GRM4: variants seen among roughly 807,000 people sequenced by gnomAD.
GRM4 encodes the protein glutamate metabotropic receptor 4, also known as metabotropic glutamate receptor 4.
A neutral mutation model predicts 81.7 loss-of-function variants in GRM4; 28 were observed. The ratio of observed to expected loss-of-function variants is 0.34; its 90% CI spans 0.25 to 0.47. GRM4 has a LOEUF of 0.47. Among genes scored for constraint, GRM4 ranks in the 20% least tolerant of loss-of-function variants. The pLI is 1.00. For synonymous variants in GRM4, 488 were observed against 528.8 expected, an observed-to-expected ratio of 0.92 and a Z score of 1.06; for missense variants, 948 against 1,290.0, an observed-to-expected ratio of 0.73 and a Z score of 4.06.
chr6:34,128,463 T>A (rs1015526997), intron 2 of GRM4, among the ~76,000 whole-genome samples: 2 of 151,156 alleles, frequency 1.3e-5, no homozygotes, highest in African/African-American at 4.9e-5. Flanking sequence ...CTACAACCTC[T>A]GCCTCCCGGG....
intron 3 of GRM4, among the ~76,000 whole-genome samples, chr6:34,071,589 C>A (rs1766861275): frequency 2.4e-5 from 3 of 125,296 alleles, no homozygotes; most frequent in Admixed American, 1.6e-4. Flanking sequence ...CACACATCAC[C>A]ACACAGATAC....
intron 1 of GRM4, among the ~76,000 whole-genome samples, chr6:34,142,182 C>G (rs1412440929): frequency 6.6e-6 from 1 of 152,194 alleles, no homozygotes; most frequent in Non-Finnish European, 1.5e-5. Context: ...CCCCTTAGGC[C>G]CGCCAAGACA....
In GRM4 at chr6:34,018,966, C is replaced by G. The variant is rs1763777317; in HGVS notation, c.*3855G>C. The G allele has an allele frequency of 6.6e-6, 1 of 152,456 alleles. No individual in the cohort carries two copies. The highest frequency in any genetic ancestry group is 6.5e-5 in the Admixed American group (1 of 15,282). The allele number at this position is 152,456 out of a possible 1,614,324, so 9.4% of individuals were successfully genotyped here. A position where few individuals can be genotyped will look rare whatever the true frequency, so the allele number is the denominator to read the frequency against. ...CCCTGTTCAGTGGGCAGATGGAAACCTGGGATGGGAAGGGGGAGCCGTGGA... is the reference window on the plus strand; with the variant it reads ...CCCTGTTCAGTGGGCAGATGGAAACGTGGGATGGGAAGGGGGAGCCGTGGA... On this transcript the variant is annotated 3_prime_UTR_variant, in exon 11 of 11. Transcript: ENST00000538487.
In GRM4 at chr6:34,098,663, G is replaced by A. The variant is rs115167827; in HGVS notation, c.520-6564C>T. 5.6e-3 allele frequency among the ~76,000 whole-genome samples: 850 copies of A among 152,364 alleles called. 9 individuals carry two copies. The highest frequency in any genetic ancestry group is 0.014 in the Middle Eastern group (4 of 294). ...TGGCTGCTTCAGGCCCTCCACTGCC[G>A]GCTCTCAGCATCAGCTGTTTGCTTC... On this transcript the variant is annotated intron_variant, in intron 2 of 10. Transcript: ENST00000538487.
rs1445906537 is a variant in GRM4 at position 34,022,846 on chromosome 6, A to T, written c.2714T>A (p.Val905Asp). Reference sequence around the variant, plus strand: ...CTAGATTGCATGGTTGGTGTAAGTGACGTAAGTCTGTTTGGTGGCCAGCGC... The same window carrying T: ...CTAGATTGCATGGTTGGTGTAAGTGTCGTAAGTCTGTTTGGTGGCCAGCGC... ...APALATKQTY[V>D]TYTNHAI The change falls in exon 11 of 11, where the codon GTC (valine) becomes GAC (aspartate). Residue 905 changes from valine (V) to aspartate (D), a missense_variant. Coordinates refer to ENST00000538487, the MANE Select transcript of GRM4 (RefSeq NM_000841.4). This position sits in a 1 kb window ranked among gnomAD's most constrained non-coding sequence, Gnocchi z 5.6. 1 of 1,614,002 alleles carries T rather than the reference A, an allele frequency of 6.2e-7. No individual in the cohort carries two copies. The highest frequency in any genetic ancestry group is 8.5e-7 in the Non-Finnish European group (1 of 1,179,856).
At chr6:34,030,483 G>A (rs971543580) in intron 9 of GRM4, among the ~76,000 whole-genome samples, 8 of 152,212 alleles carry the variant, frequency 5.3e-5, no homozygotes, top group African/African-American at 1.9e-4. Flanking sequence ...ACAGTTCTAT[G>A]TCGAGGGCCA....
In GRM4 at chr6:34,131,869, G is replaced by A. The variant is rs1259120178; in HGVS notation, c.519+1109C>T. On this transcript the variant is annotated intron_variant, in intron 2 of 10. Transcript: ENST00000538487. ...TCCAGAGGCCGAGAATCTGACACCA[G>A]GGTGAGGGAGGGACCAAGCAGCTTC... Among the ~76,000 whole-genome samples, 4 of 152,130 alleles carry A rather than the reference G, an allele frequency of 2.6e-5. No individual in the cohort carries two copies. The East Asian group carries it at 7.7e-4, about 29-fold the overall frequency.
chr6:34,068,194 C>T lies in GRM4; in HGVS notation c.737-6166G>A, dbSNP rs180998969. On this transcript the variant is annotated intron_variant, in intron 3 of 10. Coordinates refer to ENST00000538487, the MANE Select transcript of GRM4 (RefSeq NM_000841.4). The surrounding 1 kb of genome is among the most constrained non-coding windows in gnomAD (Gnocchi z 4.2). ...ATCCCCTCAGCCCACCTGGATTCAC[C>T]CTGGAGAACAGGGAGGCTTGGGCTG... Among the ~76,000 whole-genome samples, 1 of 152,220 alleles carries T rather than the reference C, an allele frequency of 6.6e-6. No homozygotes were observed. Among genetic ancestry groups the T allele is most frequent in the East Asian group, 1.9e-4 (1 of 5,182 alleles).
chr6:34,118,104 T>G (rs1769667417), intron 2 of GRM4, among the ~76,000 whole-genome samples: 1 of 152,184 alleles, frequency 6.6e-6, no homozygotes, highest in Admixed American at 6.5e-5. Flanking sequence ...TGGAAGGAAA[T>G]ACACACATGT....
At chr6:34,065,820 G>A (rs1194410480) in intron 3 of GRM4, among the ~76,000 whole-genome samples, 1 of 152,244 alleles carries the variant, frequency 6.6e-6, no homozygotes, top group East Asian at 1.9e-4. Flanking sequence ...AGGAGACAGA[G>A]GCCAGAGAGG....
In GRM4 at chr6:34,087,418, C is replaced by G. The variant is rs78240402; in HGVS notation, c.736+4465G>C. ...TGGGTGACAGAGCGAGACTCCATCT[C>G]AAAAAAAAAAAAAAAAAGCCTGCCA... On this transcript the variant is annotated intron_variant, in intron 3 of 10. Transcript: ENST00000538487. Among the ~76,000 whole-genome samples, 99 of 66,570 alleles carry G rather than the reference C, an allele frequency of 1.5e-3. No homozygotes were observed. The Middle Eastern group carries it at 0.037, about 25-fold the overall frequency. 43.7% of individuals were successfully genotyped at this position (66,570 alleles called of 152,430 possible).
chr6:34,144,995 C>G (rs1770864704), intron 1 of GRM4, among the ~76,000 whole-genome samples: 1 of 152,014 alleles, frequency 6.6e-6, no homozygotes, highest in South Asian at 2.1e-4. Flanking sequence ...CGGAGGCCAC[C>G]TCCCCGAGCC....
chr6:34,126,899 T>C (rs1770045579), intron 2 of GRM4, among the ~76,000 whole-genome samples: 1 of 152,238 alleles, frequency 6.6e-6, no homozygotes, highest in African/African-American at 2.4e-5. Flanking sequence ...CTCAGTTCTG[T>C]GCTTGTAGCT....
chr6:34,117,955 T>TA (rs1254794607), intron 2 of GRM4, among the ~76,000 whole-genome samples: 6 of 152,314 alleles, frequency 3.9e-5, no homozygotes, highest in African/African-American at 1.4e-4. Flanking sequence ...GGTGATGACC[T>TA]AGCCATTGAA....
At chr6:34,063,728 C>T (rs1565365) in intron 3 of GRM4, 37,610 of 152,156 alleles carry the variant, frequency 0.25, 5,474 homozygotes, top group African/African-American at 0.4. Context: ...CCAAGGGAGG[C>T]AGCCACTGGC....
intron 6 of GRM4, among the ~76,000 whole-genome samples, chr6:34,052,176 C>T (rs1039983570): frequency 7.9e-5 from 12 of 152,230 alleles, no homozygotes; most frequent in African/African-American, 2.9e-4. Context: ...CCACCAATGC[C>T]TGATGGGGCA....
At chr6:34,037,201 G>A (rs754974153) in intron 8 of GRM4, among the ~76,000 whole-genome samples, 1 of 152,254 alleles carries the variant, frequency 6.6e-6, no homozygotes, top group African/African-American at 2.4e-5. Flanking sequence ...TTAATCAGAG[G>A]ATGCTTAATG....
chr6:34,051,757 C>A (rs1292095373), intron 6 of GRM4, among the ~76,000 whole-genome samples: 1 of 152,180 alleles, frequency 6.6e-6, no homozygotes, highest in African/African-American at 2.4e-5. Context: ...TCTGCAAGTG[C>A]TTCCTGCAGA....
chr6:34,122,801 C>T (rs370461992), intron 2 of GRM4, among the ~76,000 whole-genome samples: 31 of 152,242 alleles, frequency 2.0e-4, no homozygotes, highest in Admixed American at 6.5e-4. Context: ...AGACCAAGAG[C>T]GGTTCAGCCC....
Sources: gnomAD v4.1 joint callset for allele counts (sites outside exome capture counted in the v4.1 genomes callset) on GRCh38, gnomAD v4.1.1 for gene constraint, Gnocchi (gnomAD v3.1) non-coding constraint, MANE v1.5 for transcripts, NCBI Gene and HGNC (gene_info 2026-07-23, HGNC 2026-07-21) for gene names.